The following DZANK1 variants were observed in gnomAD, a reference collection of about 807,000 sequenced individuals.
DZANK1 encodes double zinc ribbon and ankyrin repeat domains 1.
A neutral mutation model predicts 94.5 loss-of-function variants in DZANK1; 91 were observed. The observed-to-expected ratio is 0.96, with a 90% CI of 0.81 to 1.15. The LOEUF (loss-of-function observed/expected upper bound fraction) is 1.15, where lower values mean the gene tolerates loss of function less well. Ranked by LOEUF, DZANK1 falls within the 50% of genes most tolerant of loss-of-function variation. The pLI is 0.00. For missense variants in DZANK1, 903 were observed against 916.4 expected (o/e 0.99, Z 0.19); for synonymous variants, 312 against 325.3 (o/e 0.96, Z 0.44).
chr20:18,404,332 C>T (rs1213085989), intron 13 of DZANK1, among the ~76,000 whole-genome samples: 2 of 152,150 alleles, frequency 1.3e-5, no homozygotes, highest in African/African-American at 4.8e-5. Context: ...ACAATAAGCA[C>T]AGCTTAATGG....
chr20:18,414,543 T>TA, intron 11 of DZANK1, 31 bp from the exon 12 acceptor site: 7 of 1,559,648 alleles, frequency 4.5e-6, no homozygotes, highest in Non-Finnish European at 6.1e-6. Flanking sequence ...TGATGAATAT[T>TA]AGAGTTATAA....
At chr20:18,452,644 C>G (rs746121513) in exon 6 of DZANK1, 1 of 1,600,762 alleles carries the variant, frequency 6.2e-7, no homozygotes, top group Non-Finnish European at 8.5e-7. Flanking sequence ...GGTCTAGAAC[C>G]TGATCCTCCA....
intron 7 of DZANK1, among the ~76,000 whole-genome samples, chr20:18,447,243 A>G (rs571859574): frequency 1.3e-5 from 2 of 152,176 alleles, no homozygotes; most frequent in African/African-American, 4.8e-5. Flanking sequence ...TGGGAGGTTG[A>G]GGGGAGCAGA....
At chr20:18,462,937 T>TAAAAAAAAA (rs61694583) in intron 2 of DZANK1, among the ~76,000 whole-genome samples, 4 of 111,232 alleles carry the variant, frequency 3.6e-5, no homozygotes, top group Non-Finnish European at 5.4e-5. Context: ...GACTCGGTCT[T>TAAAAAAAAA]AAAAAAAAAA....
chr20:18,421,642 C>T (rs1433483479), intron 10 of DZANK1, among the ~76,000 whole-genome samples: 8 of 152,202 alleles, frequency 5.3e-5, no homozygotes, highest in Non-Finnish European at 1.5e-5. Context: ...ACTCTGATTC[C>T]AGGTGACATC....
At chr20:18,433,765 T>C in exon 9 of DZANK1, 1 of 1,613,484 alleles carries the variant, frequency 6.2e-7, no homozygotes. Context: ...CACAAGCCCA[T>C]CTGCACAAGG....
At chr20:18,413,607 C>T (rs1306995416) in intron 12 of DZANK1, among the ~76,000 whole-genome samples, 1 of 152,024 alleles carries the variant, frequency 6.6e-6, no homozygotes, top group Non-Finnish European at 1.5e-5. Context: ...TGGTGAAACC[C>T]CATCTCTACT....
intron 2 of DZANK1, among the ~76,000 whole-genome samples, chr20:18,464,836 T>C (rs2059591304): frequency 6.6e-6 from 1 of 152,000 alleles, no homozygotes; most frequent in Non-Finnish European, 1.5e-5. Context: ...CCACCATGTC[T>C]GGCTAATTTT....
intron 2 of DZANK1, among the ~76,000 whole-genome samples, chr20:18,464,977 C>T (rs1015664945): frequency 3.3e-5 from 5 of 152,092 alleles, no homozygotes; most frequent in Non-Finnish European, 5.9e-5. Context: ...ACCCGGCCAG[C>T]ACCGGGACAT....
chr20:18,424,434 G>A (rs557346660), intron 10 of DZANK1, among the ~76,000 whole-genome samples: 3 of 147,888 alleles, frequency 2.0e-5, no homozygotes, highest in South Asian at 2.1e-4. Flanking sequence ...CAGCCTGGGC[G>A]ACAGAGCAAG....
At chr20:18,417,921 A>G (rs2057569396) in intron 10 of DZANK1, among the ~76,000 whole-genome samples, 1 of 152,218 alleles carries the variant, frequency 6.6e-6, no homozygotes, top group South Asian at 2.1e-4. Flanking sequence ...CACCATGTCT[A>G]CTAAAAATAC....
intron 6 of DZANK1, among the ~76,000 whole-genome samples, chr20:18,451,273 C>A (rs2148745097): frequency 6.6e-6 from 1 of 152,232 alleles, no homozygotes; most frequent in African/African-American, 2.4e-5. Flanking sequence ...TCATAAGTCA[C>A]CTCTATCTTG....
chr20:18,410,222 G>C (rs1040793904), intron 13 of DZANK1, among the ~76,000 whole-genome samples: 4 of 152,038 alleles, frequency 2.6e-5, no homozygotes, highest in Non-Finnish European at 5.9e-5. Flanking sequence ...ACAGTGTTTT[G>C]AGAGTTTATA....
chr20:18,455,288 C>T, exon 4 of DZANK1: 1 of 1,609,208 alleles, frequency 6.2e-7, no homozygotes, highest in Non-Finnish European at 8.5e-7. Flanking sequence ...ACATTGTCTT[C>T]AGGAGAGACT....
chr20:18,391,730 C>T (rs1294128432), intron 17 of DZANK1, among the ~76,000 whole-genome samples: 3 of 152,198 alleles, frequency 2.0e-5, no homozygotes, highest in African/African-American at 7.2e-5. Context: ...GGAAATAATA[C>T]CTTCCCTGTC....
intron 3 of DZANK1, among the ~76,000 whole-genome samples, chr20:18,458,804 C>T (rs183885957): frequency 1.2e-3 from 188 of 152,310 alleles, no homozygotes; most frequent in African/African-American, 4.3e-3. Flanking sequence ...GGCTCATATC[C>T]ACCTATTCTA....
At chr20:18,465,255 T>A in exon 2 of DZANK1, 1 of 1,580,436 alleles carries the variant, frequency 6.3e-7, no homozygotes, top group Non-Finnish European at 8.6e-7. Flanking sequence ...CTTACCTGAT[T>A]TCATTTCCAA....
chr20:18,460,202 T>C (rs1304944176), exon 3 of DZANK1: 5 of 1,583,772 alleles, frequency 3.2e-6, no homozygotes, highest in African/African-American at 1.3e-5. Context: ...GGCAGAGTAA[T>C]AGGTTTTATA....
At chr20:18,442,842 G>GT (rs11481885) in intron 8 of DZANK1, among the ~76,000 whole-genome samples, 62,299 of 151,954 alleles carry the variant, frequency 0.41, 13,415 homozygotes, top group Middle Eastern at 0.48. Context: ...AGCCAAGTAT[G>GT]TTTTTTAACT....
Sources: allele counts gnomAD v4.1 joint callset (sites outside exome capture counted in the v4.1 genomes callset), GRCh38; gene constraint gnomAD v4.1.1; transcripts MANE v1.5; gene names NCBI Gene and HGNC (gene_info 2026-07-23, HGNC 2026-07-21).